The following MDGA2 variants were observed in gnomAD, a reference collection of about 807,000 sequenced individuals.
MDGA2 encodes the protein MAM domain-containing glycosylphosphatidylinositol anchor protein 2.
MDGA2 carries 40 observed loss-of-function variants against 117.8 expected under a neutral mutation model. The ratio of observed to expected loss-of-function variants is 0.34; its 90% CI spans 0.26 to 0.44. The LOEUF (loss-of-function observed/expected upper bound fraction) is 0.44, where lower values mean the gene tolerates loss of function less well. Ranked by LOEUF, MDGA2 falls within the 20% of genes least tolerant of loss-of-function variation. MDGA2 has a pLI of 1.00. For synonymous variants in MDGA2, 452 were observed against 439.0 expected, an observed-to-expected ratio of 1.03 and a Z score of -0.37; for missense variants, 1,123 against 1,250.6, an observed-to-expected ratio of 0.90 and a Z score of 1.54.
chr14:47,582,530 T>C (rs1896247904), intron 1 of MDGA2, among the ~76,000 whole-genome samples: 2 of 151,902 alleles, frequency 1.3e-5, no homozygotes, highest in African/African-American at 4.8e-5. Flanking sequence ...CTCCATGTCT[T>C]AGTTTCTTAT....
At chr14:47,197,353 C>T (rs142489806) in intron 3 of MDGA2, among the ~76,000 whole-genome samples, 1 of 152,138 alleles carries the variant, frequency 6.6e-6, no homozygotes, top group East Asian at 1.9e-4. Flanking sequence ...TGCTGTCACT[C>T]TCTGTTCTCC....
intron 1 of MDGA2, among the ~76,000 whole-genome samples, chr14:47,367,425 T>C (rs1314771751): frequency 6.6e-6 from 1 of 152,186 alleles, no homozygotes; most frequent in Non-Finnish European, 1.5e-5. Flanking sequence ...AACCCTTCAA[T>C]AGCATCCAGG....
chr14:47,037,508 T>C (rs894726904), intron 7 of MDGA2, among the ~76,000 whole-genome samples: 1 of 152,196 alleles, frequency 6.6e-6, no homozygotes, highest in Admixed American at 6.5e-5. Flanking sequence ...TCATGACAAA[T>C]TGGACAAAAT....
chr14:47,531,064 T>C (rs2138732386), intron 1 of MDGA2, among the ~76,000 whole-genome samples: 1 of 152,124 alleles, frequency 6.6e-6, no homozygotes, highest in East Asian at 1.9e-4. Flanking sequence ...GCTAACACGA[T>C]GAAACCCCGT....
intron 7 of MDGA2, among the ~76,000 whole-genome samples, chr14:47,037,290 A>C (rs1031021693): frequency 6.6e-6 from 1 of 152,206 alleles, no homozygotes; most frequent in Non-Finnish European, 1.5e-5. Context: ...TGATAATCTT[A>C]AGGACCAAAT....
intron 2 of MDGA2, among the ~76,000 whole-genome samples, chr14:47,290,305 C>A (rs1001387932): frequency 6.6e-6 from 1 of 151,918 alleles, no homozygotes; most frequent in African/African-American, 2.4e-5. Context: ...GCTTGTGCAC[C>A]CTTTCTGCCA....
At chr14:47,138,554 AT>A (rs1882566308) in intron 4 of MDGA2, among the ~76,000 whole-genome samples, 1 of 152,162 alleles carries the variant, frequency 6.6e-6, no homozygotes, top group South Asian at 2.1e-4. Flanking sequence ...TTTTGACATT[AT>A]TTTTTAACAA....
chr14:47,397,534 C>G (rs939036664), intron 1 of MDGA2, among the ~76,000 whole-genome samples: 2 of 151,542 alleles, frequency 1.3e-5, no homozygotes, highest in Non-Finnish European at 2.9e-5. Flanking sequence ...AAAACTAAGA[C>G]CTAACATTGA....
At chr14:47,048,144 C>T (rs973841993) in intron 7 of MDGA2, among the ~76,000 whole-genome samples, 1 of 151,952 alleles carries the variant, frequency 6.6e-6, no homozygotes, top group Non-Finnish European at 1.5e-5. Flanking sequence ...TCTACTCCTC[C>T]CTTACAAGGA....
chr14:47,637,765 A>G (rs1246870660), intron 1 of MDGA2, among the ~76,000 whole-genome samples: 2 of 152,268 alleles, frequency 1.3e-5, no homozygotes, highest in Non-Finnish European at 2.9e-5. Flanking sequence ...CAAGTGTCAG[A>G]TTTCAGATAT....
At chr14:47,634,919 G>A (rs1011125594) in intron 1 of MDGA2, among the ~76,000 whole-genome samples, 2 of 151,952 alleles carry the variant, frequency 1.3e-5, no homozygotes, top group African/African-American at 4.8e-5. Context: ...TCAATGGCAG[G>A]CTAAAAAATC....
intron 5 of MDGA2, among the ~76,000 whole-genome samples, chr14:47,102,630 G>A (rs915717483): frequency 6.6e-6 from 1 of 152,064 alleles, no homozygotes; most frequent in Non-Finnish European, 1.5e-5. Flanking sequence ...GGGAAACTTG[G>A]CTCCCAGCTG....
At position 46,873,428 on chromosome 14, in the gene MDGA2, C is replaced by T; in HGVS notation, c.2752+5G>A. The T allele has an allele frequency of 6.3e-7, 1 of 1,582,150 alleles. No individual in the cohort carries two copies. The highest frequency in any genetic ancestry group is 8.6e-7 in the Non-Finnish European group (1 of 1,163,502). On this transcript the variant is annotated splice_donor_5th_base_variant and intron_variant, in intron 14 of 16. Transcript: ENST00000399232. ...TGTAAGAATCAGTAATTATTGCTATCTCACCTATATGTTGTCCATACATGT... is the reference window on the plus strand; with the variant it reads ...TGTAAGAATCAGTAATTATTGCTATTTCACCTATATGTTGTCCATACATGT...
intron 1 of MDGA2, among the ~76,000 whole-genome samples, chr14:47,381,329 C>T (rs899572761): frequency 6.6e-6 from 1 of 152,176 alleles, no homozygotes; most frequent in Non-Finnish European, 1.5e-5. Context: ...CTCACCACTC[C>T]TATTCAACAT....
At chr14:47,172,271 G>A (rs1002721605) in intron 3 of MDGA2, among the ~76,000 whole-genome samples, 6 of 152,154 alleles carry the variant, frequency 3.9e-5, no homozygotes, top group African/African-American at 1.4e-4. Context: ...AACTGTCCCT[G>A]TCCGACAGCT....
chr14:47,153,659 G>C (rs1594673678), intron 3 of MDGA2, among the ~76,000 whole-genome samples: 1 of 149,658 alleles, frequency 6.7e-6, no homozygotes, highest in Non-Finnish European at 1.5e-5. Flanking sequence ...GGACCAGTGA[G>C]AGAGGCCTGG....
At chr14:47,054,657 A>T (rs549642240) in intron 7 of MDGA2, among the ~76,000 whole-genome samples, 10 of 151,932 alleles carry the variant, frequency 6.6e-5, no homozygotes, top group African/African-American at 1.9e-4. Flanking sequence ...AAACAGAGAT[A>T]TAGACCAATG....
At chr14:47,273,201 A>G (rs1015598784) in intron 2 of MDGA2, among the ~76,000 whole-genome samples, 3 of 152,154 alleles carry the variant, frequency 2.0e-5, no homozygotes, top group African/African-American at 7.2e-5. Context: ...TATTTTTCTC[A>G]AGCATAATTT....
chr14:47,405,770 T>C (rs1892248316), intron 1 of MDGA2, among the ~76,000 whole-genome samples: 1 of 152,174 alleles, frequency 6.6e-6, no homozygotes, highest in Admixed American at 6.5e-5. Flanking sequence ...TTAAAGTGCT[T>C]GAATTGCTAC....
Sources: allele counts gnomAD v4.1 joint callset (sites outside exome capture counted in the v4.1 genomes callset), GRCh38; gene constraint gnomAD v4.1.1; transcripts MANE v1.5; gene names NCBI Gene and HGNC (gene_info 2026-07-23, HGNC 2026-07-21).